Variants in PALLD observed in about 807,000 individuals in gnomAD.
PALLD encodes the protein palladin, cytoskeletal associated protein, also known as palladin.
In PALLD, 61 loss-of-function variants were observed where a neutral mutation model predicts 123.5. The ratio of observed to expected loss-of-function variants is 0.49; its 90% CI spans 0.40 to 0.61. PALLD has a LOEUF of 0.61. PALLD is among the 20% of genes least tolerant of loss of function. The pLI, the probability that PALLD is intolerant of heterozygous loss-of-function variation, is 0.00. For missense variants in PALLD, 1,273 were observed against 1,377.0 expected, an observed-to-expected ratio of 0.92 and a Z score of 1.20; for synonymous variants, 465 against 496.4, an observed-to-expected ratio of 0.94 and a Z score of 0.84.
intron 2 of PALLD, among the ~76,000 whole-genome samples, chr4:168,595,725 C>G (rs545243603): frequency 6.6e-6 from 1 of 152,060 alleles, no homozygotes; most frequent in South Asian, 2.1e-4. Flanking sequence ...GAGTGCAGGA[C>G]CTAAGAAACC....
At chr4:168,590,937 T>C (rs1771356160) in intron 2 of PALLD, among the ~76,000 whole-genome samples, 1 of 129,714 alleles carries the variant, frequency 7.7e-6, no homozygotes, top group African/African-American at 2.9e-5. Flanking sequence ...TAGAGTGCAA[T>C]GGTGCGATCT....
At chr4:168,737,018 G>A (rs950058856) in intron 10 of PALLD, among the ~76,000 whole-genome samples, 1 of 152,190 alleles carries the variant, frequency 6.6e-6, no homozygotes, top group Non-Finnish European at 1.5e-5. Context: ...TCAAAAGGCA[G>A]ATTTAGGTAC....
chr4:168,750,870 G>T (rs550142832), intron 10 of PALLD, among the ~76,000 whole-genome samples: 3 of 151,966 alleles, frequency 2.0e-5, no homozygotes, highest in Admixed American at 6.6e-5. Flanking sequence ...TTGTACTTCC[G>T]GTTTACTTTA....
chr4:168,856,092 G>A (rs1560802229), intron 10 of PALLD, among the ~76,000 whole-genome samples: 1 of 152,172 alleles, frequency 6.6e-6, no homozygotes, highest in Non-Finnish European at 1.5e-5. Flanking sequence ...CTTATCAGGA[G>A]GTATTTGGTT....
rs1219754799 is a variant in PALLD, at chr4:168,599,993, A to ATACACACACGTATATACATACATGTGTG, written c.909-68187_909-68160dup. On this transcript the variant is annotated intron_variant, in intron 2 of 21. Transcript: ENST00000505667. ...CACACACATATATACATACATGTGT[A>ATACACACACGTATATACATACATGTGTG]TACACACACGTATATACATACATGT... 2.9e-4 allele frequency among the ~76,000 whole-genome samples: 42 copies of ATACACACACGTATATACATACATGTGTG among 143,092 alleles called. No individual in the cohort carries two copies. In the East Asian group the frequency reaches 5.4e-3, roughly 18 times the overall value. The allele number at this position is 143,092 out of a possible 152,430, so 93.9% of individuals were successfully genotyped here. A position where few individuals can be genotyped will look rare whatever the true frequency, so the allele number is the denominator to read the frequency against.
chr4:168,664,769 GAA>G lies in PALLD; in HGVS notation c.909-3404_909-3403del, dbSNP rs11301858. 9.7e-3 allele frequency among the ~76,000 whole-genome samples: 1,076 copies of G among 110,654 alleles called. 18 individuals are homozygous for G. The highest frequency in any genetic ancestry group is 0.03 in the African/African-American group (1,019 of 33,818). The allele number at this position is 110,654 out of a possible 152,430, so 72.6% of individuals were successfully genotyped here. On this transcript the variant is annotated intron_variant, in intron 2 of 21. Coordinates refer to ENST00000505667, the MANE Select transcript of PALLD (RefSeq NM_001166108.2). ...TTAGGGTGTGACCCAAGAGGAGGAG[GAA>G]AAAAAAAAAAAAAAAACCCTGCAAA...
intron 2 of PALLD, among the ~76,000 whole-genome samples, chr4:168,552,668 T>TTTTTG (rs755666176): frequency 1.1e-3 from 171 of 152,048 alleles, no homozygotes; most frequent in African/African-American, 2.0e-3. Flanking sequence ...TTCTTGTTTG[T>TTTTTG]TTTTGTTTTG....
intron 10 of PALLD, among the ~76,000 whole-genome samples, chr4:168,751,332 C>A (rs150629831): frequency 1.3e-5 from 2 of 152,148 alleles, no homozygotes; most frequent in African/African-American, 4.8e-5. Context: ...ATTTTTGAAG[C>A]CTCTCCGGCA....
chr4:168,652,287 G>A (rs1434349423), intron 2 of PALLD, among the ~76,000 whole-genome samples: 2 of 152,070 alleles, frequency 1.3e-5, no homozygotes, highest in African/African-American at 4.8e-5. Context: ...TGGAGGAAGG[G>A]GTGGGATATT....
At chr4:168,904,490 G>T (rs1757204993) in intron 15 of PALLD, among the ~76,000 whole-genome samples, 1 of 152,160 alleles carries the variant, frequency 6.6e-6, no homozygotes, top group African/African-American at 2.4e-5. Flanking sequence ...ATAGGAGGCT[G>T]CTGGGTATCA....
chr4:168,874,037 T>C (rs1189547148), intron 10 of PALLD, among the ~76,000 whole-genome samples: 1 of 152,188 alleles, frequency 6.6e-6, no homozygotes. Context: ...AAGTAAAACA[T>C]TGTTCTTGTT....
At chr4:168,732,262 T>G (rs970398759) in intron 10 of PALLD, among the ~76,000 whole-genome samples, 13 of 152,218 alleles carry the variant, frequency 8.5e-5, no homozygotes, top group Admixed American at 4.6e-4. Context: ...TCTTGTCAGT[T>G]CTCTTGAAGT....
intron 10 of PALLD, among the ~76,000 whole-genome samples, chr4:168,791,978 T>G (rs1017367224): frequency 2.0e-5 from 3 of 152,188 alleles, no homozygotes; most frequent in African/African-American, 7.2e-5. Flanking sequence ...ACTATTCAAA[T>G]GAATACTTAG....
chr4:168,926,748 T>C lies in PALLD; in HGVS notation c.*568T>C, dbSNP rs1220695703. The C allele has an allele frequency of 7.8e-6, 2 of 256,092 alleles. No homozygotes were observed. The highest frequency in any genetic ancestry group is 1.0e-4 in the Admixed American group (2 of 19,674). The allele number at this position is 256,092 out of a possible 1,614,324, so 15.9% of individuals were successfully genotyped here. The stretch of plus-strand genomic sequence containing the variant: ...AAGATATAGGTGCTGTGTAGCCTGA[T>C]AGTGTGAAATGTTTAATGAGGGAGT... On this transcript the variant is annotated 3_prime_UTR_variant, in exon 22 of 22. Transcript: ENST00000505667.
At chr4:168,555,271 G>T (rs1042946858) in intron 2 of PALLD, among the ~76,000 whole-genome samples, 2 of 152,172 alleles carry the variant, frequency 1.3e-5, no homozygotes, top group African/African-American at 4.8e-5. Context: ...GATTAGGAAC[G>T]GAGCATAGAG....
At chr4:168,711,502 A>T in intron 9 of PALLD, 79 bp from the exon 10 acceptor site, 1 of 1,013,420 alleles carries the variant, frequency 9.9e-7, no homozygotes, top group Non-Finnish European at 1.6e-6. Context: ...AGGGATTCTC[A>T]GAAGACTCTG....
intron 1 of PALLD, among the ~76,000 whole-genome samples, chr4:168,500,219 T>C (rs967344933): frequency 6.6e-6 from 1 of 152,196 alleles, no homozygotes; most frequent in Non-Finnish European, 1.5e-5. Context: ...GTCACTGAAT[T>C]CTTTCTACTT....
chr4:168,630,292 G>A (rs1029852542), intron 2 of PALLD, among the ~76,000 whole-genome samples: 2 of 152,122 alleles, frequency 1.3e-5, no homozygotes, highest in African/African-American at 4.8e-5. Context: ...CTTTACAACT[G>A]AAGTGTAGAG....
chr4:168,638,398 G>C (rs75858945), intron 2 of PALLD, among the ~76,000 whole-genome samples: 2,988 of 152,208 alleles, frequency 0.02, 100 homozygotes, highest in African/African-American at 0.067. Context: ...AGTCCTCTTG[G>C]TTTCAAGTTG....
Sources: allele counts gnomAD v4.1 joint callset (sites outside exome capture counted in the v4.1 genomes callset), GRCh38; gene constraint gnomAD v4.1.1; transcripts MANE v1.5; gene names NCBI Gene and HGNC (gene_info 2026-07-23, HGNC 2026-07-21).